The following JPH3 variants were observed in gnomAD, a reference collection of about 807,000 sequenced individuals.
JPH3 encodes junctophilin-3.
A neutral mutation model predicts 59.6 loss-of-function variants in JPH3; 11 were observed. That is an observed-to-expected ratio of 0.18 (90% CI 0.12 to 0.31). The LOEUF is 0.31. JPH3 is among the 10% of genes least tolerant of loss of function. JPH3 has a pLI of 1.00. For missense variants in JPH3, 1,202 were observed against 1,105.7 expected (o/e 1.09, Z -1.24); for synonymous variants, 673 against 483.6 (o/e 1.39, Z -5.14).
At chr16:87,618,242 G>C (rs1433833203) in intron 1 of JPH3, among the ~76,000 whole-genome samples, 1 of 152,188 alleles carries the variant, frequency 6.6e-6, no homozygotes, top group Non-Finnish European at 1.5e-5. Context: ...AGTGGGAGGG[G>C]AGAAATGCAC....
intron 4 of JPH3, among the ~76,000 whole-genome samples, chr16:87,691,972 C>T (rs562748287): frequency 6.6e-6 from 1 of 152,142 alleles, no homozygotes; most frequent in Admixed American, 6.5e-5. Flanking sequence ...ATGAACCTCC[C>T]TGGGGGTCAA....
chr16:87,634,388 G>T (rs570531044), intron 1 of JPH3, among the ~76,000 whole-genome samples: 5 of 152,184 alleles, frequency 3.3e-5, no homozygotes, highest in African/African-American at 1.2e-4. Context: ...AGCCTGAGGG[G>T]TGTCAGAGCC....
At chr16:87,664,156 C>T (rs773107322) in intron 2 of JPH3, among the ~76,000 whole-genome samples, 1 of 151,530 alleles carries the variant, frequency 6.6e-6, no homozygotes, top group Non-Finnish European at 1.5e-5. Flanking sequence ...ACGGTGAAAC[C>T]TCGTCTCTAC....
intron 1 of JPH3, among the ~76,000 whole-genome samples, chr16:87,610,527 A>T (rs2030692269): frequency 6.6e-6 from 1 of 152,098 alleles, no homozygotes; most frequent in Admixed American, 6.6e-5. Flanking sequence ...GTGCAAGTAA[A>T]TGCGGTAGTA....
intron 4 of JPH3, chr16:87,695,849 G>A (rs769762707): frequency 8.8e-6 from 4 of 456,126 alleles, no homozygotes; most frequent in South Asian, 6.2e-5. Context: ...CAAGCACAGG[G>A]AAGGTGGCAG....
At chr16:87,659,886 G>C (rs757491100) in intron 2 of JPH3, among the ~76,000 whole-genome samples, 2 of 152,052 alleles carry the variant, frequency 1.3e-5, no homozygotes, top group Non-Finnish European at 2.9e-5. Flanking sequence ...CCCCTCCCAG[G>C]TTCCCTCCCC....
chr16:87,687,331 G>A (rs541285609), intron 3 of JPH3, among the ~76,000 whole-genome samples: 4 of 152,328 alleles, frequency 2.6e-5, no homozygotes, highest in African/African-American at 4.8e-5. Context: ...GATTTAAAAC[G>A]AGGCTCTGAA....
rs545999953 is a variant in JPH3 at position 87,696,972 on chromosome 16, G to C, written c.*312G>C. The C allele has an allele frequency of 2.6e-6, 1 of 380,294 alleles. No homozygotes were observed. 23.6% of individuals were successfully genotyped at this position (380,294 alleles called of 1,614,324 possible). A position where few individuals can be genotyped will look rare whatever the true frequency, so the allele number is the denominator to read the frequency against. On this transcript the variant is annotated 3_prime_UTR_variant, in exon 5 of 5. Coordinates refer to ENST00000284262, the MANE Select transcript of JPH3 (RefSeq NM_020655.4). ...ATCCCGGCACATCAGTGGTAACAGC[G>C]GACGTTGTCCTCGTGGTCACACGTC...
intron 2 of JPH3, among the ~76,000 whole-genome samples, chr16:87,661,748 G>A (rs537071285): frequency 1.3e-5 from 2 of 152,366 alleles, no homozygotes; most frequent in Admixed American, 1.3e-4. Flanking sequence ...GCCGCCACGG[G>A]GCGGGGAGAG....
chr16:87,674,311 C>T lies in JPH3; in HGVS notation c.1161-9831C>T, dbSNP rs535920350. On this transcript the variant is annotated intron_variant, in intron 2 of 4. Coordinates refer to ENST00000284262, the MANE Select transcript of JPH3 (RefSeq NM_020655.4). ...ATCGCGCCACTGACTCCAGCCTGGA[C>T]GACAGAGCGAGACTCCGTCTCAAAA... Among the ~76,000 whole-genome samples, 16 of 151,736 alleles carry T rather than the reference C, an allele frequency of 1.1e-4. No homozygotes were observed. In the South Asian group the frequency reaches 1.7e-3, roughly 16 times the overall value.
intron 1 of JPH3, 107 bp from the exon 2 acceptor site, chr16:87,644,151 C>G (rs1328700356): frequency 4.9e-6 from 6 of 1,227,100 alleles, no homozygotes; most frequent in African/African-American, 3.0e-5. Flanking sequence ...AAACACAAAA[C>G]AACAGGAAGC....
rs1212279902 is a variant in JPH3 at position 87,697,858 on chromosome 16, A to C, written c.*1198A>C. 6.6e-6 allele frequency: 1 copy of C among 152,358 alleles called. No homozygotes were observed. The highest frequency in any genetic ancestry group is 1.5e-5 in the Non-Finnish European group (1 of 68,040). 9.4% of individuals were successfully genotyped at this position (152,358 alleles called of 1,614,324 possible). A position where few individuals can be genotyped will look rare whatever the true frequency, so the allele number is the denominator to read the frequency against. ...CCACCAGGGTCGCTCCATCACCCAA[A>C]CAAAAGAACAAGGTTTGCCAGGATG... is the stretch of plus-strand genomic sequence containing the variant. On this transcript the variant is annotated 3_prime_UTR_variant, in exon 5 of 5. Transcript: ENST00000284262.
At chr16:87,647,160 C>T (rs553216417) in intron 2 of JPH3, among the ~76,000 whole-genome samples, 43 of 151,656 alleles carry the variant, frequency 2.8e-4, no homozygotes, top group African/African-American at 9.7e-4. Flanking sequence ...TGGAGCATTG[C>T]TGGGGGAGAT....
At chr16:87,696,480 G>C in intron 4 of JPH3, 100 bp from the exon 5 acceptor site, 1 of 947,248 alleles carries the variant, frequency 1.1e-6, no homozygotes, top group East Asian at 2.4e-5. Flanking sequence ...CCACCCCCGA[G>C]GGTCTGCTAG....
rs575276887 is a variant in JPH3 at position 87,650,412 on chromosome 16, C to T, written c.1160+5377C>T. Among the ~76,000 whole-genome samples, 15 of 152,268 alleles carry T rather than the reference C, an allele frequency of 9.9e-5. No individual in the cohort carries two copies. In the South Asian group the frequency reaches 3.1e-3, roughly 32 times the overall value. ...TCTGGTCTCCCTATTCCCTGAGACA[C>T]AACAGTATTAAAATTAGGCCAGTTA... On this transcript the variant is annotated intron_variant, in intron 2 of 4. Transcript: ENST00000284262.
intron 1 of JPH3, among the ~76,000 whole-genome samples, chr16:87,638,500 C>T (rs1215355739): frequency 1.3e-5 from 2 of 152,052 alleles, no homozygotes; most frequent in Admixed American, 6.6e-5. Flanking sequence ...CTTGAAGGGG[C>T]GGCCTCAAGA....
At position 87,643,116 on chromosome 16, in the gene JPH3, C is replaced by T. The variant is rs185167453; in HGVS notation, c.383-1142C>T. Among the ~76,000 whole-genome samples, 290 of 152,324 alleles carry T rather than the reference C, an allele frequency of 1.9e-3. 2 individuals are homozygous for T. Among genetic ancestry groups the T allele is most frequent in the Middle Eastern group, 0.017 (5 of 294 alleles). On this transcript the variant is annotated intron_variant, in intron 1 of 4. Transcript: ENST00000284262. ...TCTCTGAGCGTGACTACTCTAAGGA[C>T]CCCGTGTACATGGAATCATCCGATA... is the stretch of plus-strand genomic sequence containing the variant.
Position 87,645,487 on chromosome 16 carries a change from G to A in JPH3, c.1160+452G>A, listed in dbSNP as rs533460932. Among the ~76,000 whole-genome samples, 178 of 152,300 alleles carry A rather than the reference G, an allele frequency of 1.2e-3. 1 individual carries two copies. In the South Asian group the frequency reaches 0.014, roughly 12 times the overall value. On this transcript the variant is annotated intron_variant, in intron 2 of 4. Coordinates refer to ENST00000284262, the MANE Select transcript of JPH3 (RefSeq NM_020655.4). ...AGCTGCCTCAGCTACCCAGACCTGC[G>A]ATCTAGATTCTTCCGGGACCCTGGG...
rs536989528 is a variant in JPH3 at position 87,635,540 on chromosome 16, G to A, written c.383-8718G>A. Among the ~76,000 whole-genome samples, 499 of 152,326 alleles carry A rather than the reference G, an allele frequency of 3.3e-3. 1 individual carries two copies. The highest frequency in any genetic ancestry group is 4.0e-3 in the Non-Finnish European group (270 of 68,022). The stretch of plus-strand genomic sequence containing the variant: ...GCTGACCAAGCAGGCCAGGCGCTGA[G>A]TGACTGTCCCAGCGGATCTCCGAGC... On this transcript the variant is annotated intron_variant, in intron 1 of 4. Transcript: ENST00000284262.
Sources: gnomAD v4.1 joint callset for allele counts (sites outside exome capture counted in the v4.1 genomes callset) on GRCh38, gnomAD v4.1.1 for gene constraint, MANE v1.5 for transcripts, NCBI Gene and HGNC (gene_info 2026-07-23, HGNC 2026-07-21) for gene names.